The following SLC4A4 variants were observed in gnomAD, a reference collection of about 807,000 sequenced individuals.
SLC4A4 encodes the protein electrogenic sodium bicarbonate cotransporter 1.
SLC4A4 carries 27 observed loss-of-function variants against 111.5 expected under a neutral mutation model. The ratio of observed to expected loss-of-function variants is 0.24; its 90% CI spans 0.18 to 0.33. The LOEUF (loss-of-function observed/expected upper bound fraction) is 0.33, where lower values mean the gene tolerates loss of function less well. SLC4A4 is among the 10% of genes least tolerant of loss of function. The pLI is 1.00. For synonymous variants in SLC4A4, 443 were observed against 463.4 expected, an observed-to-expected ratio of 0.96 and a Z score of 0.57; for missense variants, 909 against 1,315.5, an observed-to-expected ratio of 0.69 and a Z score of 4.78.
chr4:71,453,306 A>T (rs1053403683), intron 11 of SLC4A4, among the ~76,000 whole-genome samples, 189 bp from the exon 12 acceptor site: 3 of 152,212 alleles, frequency 2.0e-5, no homozygotes, highest in Non-Finnish European at 2.9e-5. Flanking sequence ...TTGGTGACCC[A>T]AAAAGAAAGA....
intron 1 of SLC4A4, among the ~76,000 whole-genome samples, chr4:71,082,853 C>CT (rs34193763): frequency 0.028 from 4,000 of 142,766 alleles, 85 homozygotes; most frequent in Middle Eastern, 0.062. Flanking sequence ...CCATAATTTT[C>CT]TTTTTTTTTT....
chr4:71,246,655 A>G (rs1185001644), intron 2 of SLC4A4, among the ~76,000 whole-genome samples: 1 of 152,170 alleles, frequency 6.6e-6, no homozygotes. Flanking sequence ...CTGTATCTCT[A>G]AGACAAACAT....
At chr4:71,220,352 C>A (rs1204114495) in intron 1 of SLC4A4, among the ~76,000 whole-genome samples, 1 of 152,098 alleles carries the variant, frequency 6.6e-6, no homozygotes, top group Non-Finnish European at 1.5e-5. Flanking sequence ...GTAGTATAAA[C>A]GTAACTTTTA....
chr4:71,235,978 A>G (rs1448670147), intron 1 of SLC4A4: 2 of 944,212 alleles, frequency 2.1e-6, no homozygotes, highest in African/African-American at 3.5e-5. Context: ...CCGTAAGGCC[A>G]GCATGTGACT....
intron 3 of SLC4A4, among the ~76,000 whole-genome samples, chr4:71,319,136 T>C (rs1345768657): frequency 1.3e-5 from 2 of 152,052 alleles, no homozygotes; most frequent in East Asian, 1.9e-4. Context: ...AATCAAAACT[T>C]GTTCTGTACA....
chr4:71,503,326 G>A (rs562731733), intron 16 of SLC4A4, among the ~76,000 whole-genome samples: 1 of 150,822 alleles, frequency 6.6e-6, no homozygotes, highest in Non-Finnish European at 1.5e-5. Flanking sequence ...TTTATTGATA[G>A]GTAAGGACTT....
At chr4:71,124,174 C>CTTTTT (rs5859248) in intron 2 of SLC4A4, among the ~76,000 whole-genome samples, 1 of 123,072 alleles carries the variant, frequency 8.1e-6, no homozygotes, top group Admixed American at 8.3e-5. Context: ...TAGGCCCACA[C>CTTTTT]TTTTTTTTTT....
At chr4:71,252,738 G>A (rs1043384771) in intron 2 of SLC4A4, among the ~76,000 whole-genome samples, 5 of 152,188 alleles carry the variant, frequency 3.3e-5, no homozygotes, top group African/African-American at 9.7e-5. Context: ...GGTTGCATTA[G>A]ACAGGAGTGG....
intron 14 of SLC4A4, among the ~76,000 whole-genome samples, chr4:71,485,358 T>A (rs951544022): frequency 6.6e-6 from 1 of 151,750 alleles, no homozygotes; most frequent in Non-Finnish European, 1.5e-5. Context: ...GATGTTGAAT[T>A]TTATCCAAAG....
intron 3 of SLC4A4, among the ~76,000 whole-genome samples, chr4:71,302,695 A>G (rs1725369910): frequency 6.6e-6 from 1 of 152,210 alleles, no homozygotes; most frequent in African/African-American, 2.4e-5. Context: ...TAGATGGGAC[A>G]CACATCTAGA....
intron 25 of SLC4A4, among the ~76,000 whole-genome samples, chr4:71,567,564 T>C (rs900567315): frequency 1.3e-5 from 2 of 151,808 alleles, no homozygotes; most frequent in Admixed American, 1.3e-4. Context: ...TTTTATTAAT[T>C]TAATCTAGGT....
intron 7 of SLC4A4, among the ~76,000 whole-genome samples, chr4:71,406,719 A>G (rs1720885285): frequency 6.6e-6 from 1 of 151,428 alleles, no homozygotes; most frequent in African/African-American, 2.4e-5. Context: ...CCAGTGGTTA[A>G]TCATGCCAAG....
chr4:71,147,077 G>C (rs185731310), intron 2 of SLC4A4, among the ~76,000 whole-genome samples: 2 of 152,114 alleles, frequency 1.3e-5, no homozygotes, highest in Middle Eastern at 3.2e-3. Flanking sequence ...AAAAAAGGCA[G>C]GGGTTGCAAT....
At chr4:71,561,472 T>C (rs2149254182) in intron 23 of SLC4A4, among the ~76,000 whole-genome samples, 1 of 151,952 alleles carries the variant, frequency 6.6e-6, no homozygotes, top group South Asian at 2.1e-4. Flanking sequence ...GGTCAGGCTA[T>C]CTGATTGTAT....
At chr4:71,434,221 T>C (rs1223919042) in intron 7 of SLC4A4, among the ~76,000 whole-genome samples, 3 of 152,116 alleles carry the variant, frequency 2.0e-5, no homozygotes, top group African/African-American at 4.8e-5. Context: ...AAGGGTAAGA[T>C]CTGATAAAGT....
At chr4:71,485,973 AG>A (rs995914574) in intron 14 of SLC4A4, among the ~76,000 whole-genome samples, 67 of 151,602 alleles carry the variant, frequency 4.4e-4, no homozygotes, top group African/African-American at 1.3e-3. Context: ...TTCTTCTTAA[AG>A]GTTTATATAG....
At chr4:71,297,961 A>G (rs1261435248) in intron 3 of SLC4A4, among the ~76,000 whole-genome samples, 1 of 152,170 alleles carries the variant, frequency 6.6e-6, no homozygotes, top group East Asian at 1.9e-4. Flanking sequence ...TATAAAAAGC[A>G]TAGGATTTGA....
intron 1 of SLC4A4, among the ~76,000 whole-genome samples, chr4:71,196,134 C>T (rs1236676595): frequency 6.6e-6 from 1 of 152,194 alleles, no homozygotes; most frequent in Non-Finnish European, 1.5e-5. Context: ...TGAACTGCTT[C>T]ACAAATTCCT....
At chr4:71,068,585 T>C (rs1338818147) in intron 1 of SLC4A4, among the ~76,000 whole-genome samples, 1 of 151,440 alleles carries the variant, frequency 6.6e-6, no homozygotes, top group East Asian at 1.9e-4. Context: ...TTTTAGGCAG[T>C]GTCTTGCTCT....
Sources: gnomAD v4.1 joint callset for allele counts (sites outside exome capture counted in the v4.1 genomes callset) on GRCh38, gnomAD v4.1.1 for gene constraint, MANE v1.5 for transcripts, NCBI Gene and HGNC (gene_info 2026-07-23, HGNC 2026-07-21) for gene names.